The following SMG1 variants were observed in gnomAD, a reference collection of about 807,000 sequenced individuals.
The protein encoded by SMG1 is SMG1 nonsense mediated mRNA decay associated PI3K related kinase.
In SMG1, 22 loss-of-function variants were observed where a neutral mutation model predicts 419.9. The ratio of observed to expected loss-of-function variants is 0.05; its 90% confidence interval spans 0.04 to 0.07. The LOEUF (loss-of-function observed/expected upper bound fraction) is 0.07, where lower values mean the gene tolerates loss of function less well. SMG1 is among the 10% of genes least tolerant of loss of function. The pLI, the probability that SMG1 is intolerant of heterozygous loss-of-function variation, is 1.00. For missense variants in SMG1, 3,185 were observed against 4,342.0 expected, an observed-to-expected ratio of 0.73 and a Z score of 7.49; for synonymous variants, 1,538 against 1,553.5, an observed-to-expected ratio of 0.99 and a Z score of 0.23.
intron 60 of SMG1, 181 bp from the exon 61 acceptor site, chr16:18,812,308 T>A: frequency 1.7e-6 from 1 of 575,448 alleles, no homozygotes; most frequent in Non-Finnish European, 2.9e-6. Flanking sequence ...AGCCAGACAT[T>A]CAGGTATGAA....
intron 56 of SMG1, among the ~76,000 whole-genome samples, chr16:18,819,034 G>C (rs1444750179): frequency 2.0e-5 from 3 of 151,840 alleles, no homozygotes; most frequent in African/African-American, 7.3e-5. Flanking sequence ...GGTCACGCTG[G>C]TCTTGAACTC....
intron 6 of SMG1, among the ~76,000 whole-genome samples, chr16:18,887,672 TA>T (rs368196825): frequency 0.017 from 1,088 of 65,662 alleles, 37 homozygotes; most frequent in African/African-American, 0.046. Flanking sequence ...ACTTTTTATT[TA>T]AAAAAAAAAA....
At chr16:18,853,475 G>C in intron 31 of SMG1, 108 bp downstream of exon 31, 5 of 1,003,740 alleles carry the variant, frequency 5.0e-6, no homozygotes, top group Non-Finnish European at 5.6e-6. Context: ...AACTTCCACA[G>C]ATATACTTTT....
Position 18,852,408 on chromosome 16 carries a change from G to A in SMG1, c.4823C>T (p.Ser1608Phe). The A allele has an allele frequency of 6.2e-7, 1 of 1,612,766 alleles. No individual in the cohort carries two copies. The highest frequency in any genetic ancestry group is 8.5e-7 in the Non-Finnish European group (1 of 1,179,252). ...GGCTACTTCAGGTGCCTGTACTGAA[G>A]ACAGGTGATACAACTGTCCCAAAAT... ...DFILGQLYHL[S>F]SVQAPEVAKS... Residue 1608 changes from serine to phenylalanine, a missense_variant, in exon 32 of 63, where the codon TCT (serine) becomes TTT (phenylalanine). Ser to Phe is a radical substitution (Grantham distance 155). Around this residue, in one of 27 missense-constraint regions of SMG1, gnomAD observed 493 missense variants for 552.9 expected, o/e 0.89. Transcript: ENST00000446231.
At position 18,811,755 on chromosome 16, in the gene SMG1, G is replaced by C. The variant is rs767923154; in HGVS notation, c.10908+6C>G. On this transcript the variant is annotated splice_donor_region_variant and intron_variant, in intron 62 of 62. Transcript: ENST00000446231. ...AATGTGTAGCCCAAGTTTAAAACAC[G>C]GTCACCTGTTCAGCAACTGACATCC... 1.7e-5 allele frequency: 27 copies of C among 1,612,338 alleles called. No individual in the cohort carries two copies. The South Asian group carries it at 2.6e-4, about 16-fold the overall frequency.
chr16:18,885,015 T>C (rs11639749), intron 8 of SMG1, 75 bp downstream of exon 8: 220,365 of 650,742 alleles, frequency 0.34, 39,630 homozygotes, highest in Non-Finnish European at 0.38. Context: ...GAAATGGTAT[T>C]GATAGATGGT....
chr16:18,876,047 A>T, intron 13 of SMG1, 77 bp downstream of exon 13: 1 of 1,462,784 alleles, frequency 6.8e-7, no homozygotes, highest in Non-Finnish European at 9.5e-7. Flanking sequence ...TCTTGACATG[A>T]CAGTGAAATA....
intron 1 of SMG1, 136 bp downstream of exon 1, chr16:18,925,814 G>T (rs922179416): frequency 1.7e-6 from 1 of 586,784 alleles, no homozygotes; most frequent in Admixed American, 4.3e-5. Context: ...CCGGGGCGGA[G>T]GAGACCCAGG....
At position 18,830,115 on chromosome 16, in the gene SMG1, A is replaced by G; in HGVS notation, c.8944T>C (p.Leu2982=). ...GCTATGGGAATTTCCATCTTGTTCA[A>G]CTATGTAAATGAAAGAAAACAAAGT... The part of the protein sequence containing the change: ...ETAFSLLVEK[L]NKMEIPIAWR... Residue 2982 remains leucine (L), a splice_region_variant and synonymous_variant, in exon 53 of 63, where the codon TTG becomes CTG. Transcript: ENST00000446231. 1 of 1,602,398 alleles carries G rather than the reference A, an allele frequency of 6.2e-7. No homozygotes were observed. Among genetic ancestry groups the G allele is most frequent in the Middle Eastern group, 1.7e-4 (1 of 6,022 alleles).
At position 18,854,857 on chromosome 16, in the gene SMG1, C is replaced by T; in HGVS notation, c.4282G>A (p.Ala1428Thr). 1 of 1,614,000 alleles carries T rather than the reference C, an allele frequency of 6.2e-7. No homozygotes were observed. The highest frequency in any genetic ancestry group is 1.1e-5 in the South Asian group (1 of 91,082). Residue 1428 changes from alanine to threonine, a missense_variant, in exon 30 of 63, where the codon GCA becomes ACA. Around this residue, in one of 27 missense-constraint regions of SMG1, gnomAD observed 493 missense variants for 552.9 expected, o/e 0.89. Transcript: ENST00000446231. The part of the protein sequence containing the change: ...RSHLMELGLT[A>T]AKFARKRGNV... Reference sequence around the variant, plus strand: ...CCTCGTTTTCTAGCAAATTTTGCTGCTGTTAGACCTAATTCCATGAGATGG... The same window carrying T: ...CCTCGTTTTCTAGCAAATTTTGCTGTTGTTAGACCTAATTCCATGAGATGG...
At chr16:18,820,918 G>C (rs569753081) in intron 55 of SMG1, among the ~76,000 whole-genome samples, 41 of 152,188 alleles carry the variant, frequency 2.7e-4, no homozygotes, top group Non-Finnish European at 4.9e-4. Context: ...TTTCATTAAG[G>C]CAAGTTTCTC....
At chr16:18,900,001 A>G in intron 1 of SMG1, 1 of 1,530,338 alleles carries the variant, frequency 6.5e-7, no homozygotes, top group Non-Finnish European at 8.7e-7. Flanking sequence ...AAAATCGCAT[A>G]CTGTATAATA....
At chr16:18,865,657 T>A (rs192091293) in intron 23 of SMG1, among the ~76,000 whole-genome samples, 18 of 151,084 alleles carry the variant, frequency 1.2e-4, no homozygotes, top group Middle Eastern at 3.4e-3. Flanking sequence ...ATATTTAACA[T>A]GGCAATTTTT....
intron 56 of SMG1, among the ~76,000 whole-genome samples, chr16:18,817,794 A>G (rs895201252): frequency 6.6e-6 from 1 of 152,230 alleles, no homozygotes; most frequent in East Asian, 1.9e-4. Flanking sequence ...TACAGCCACA[A>G]TTCAGAAGAC....
chr16:18,910,939 C>A (rs546701625), intron 1 of SMG1, among the ~76,000 whole-genome samples: 25 of 152,298 alleles, frequency 1.6e-4, no homozygotes, highest in Non-Finnish European at 2.9e-4. Flanking sequence ...TTCTTAAATT[C>A]CAACTGTGTA....
chr16:18,919,813 TG>T lies in SMG1; in HGVS notation c.92+6136del, dbSNP rs988470531. 8.6e-5 allele frequency among the ~76,000 whole-genome samples: 13 copies of T among 150,886 alleles called. 1 individual carries two copies. The highest frequency in any genetic ancestry group is 6.3e-4 in the South Asian group (3 of 4,728). ...GTAAAGGAATCAAAACAAAAGGGGT[TG>T]GGGGGGTCCAGGCACGGTGTCTCAC... On this transcript the variant is annotated intron_variant, in intron 1 of 62. Transcript: ENST00000446231.
intron 35 of SMG1, among the ~76,000 whole-genome samples, chr16:18,849,683 G>A (rs996292516): frequency 3.3e-5 from 5 of 152,068 alleles, no homozygotes; most frequent in African/African-American, 9.7e-5. Context: ...TTTACAGAGG[G>A]TATATAAAAC....
intron 55 of SMG1, among the ~76,000 whole-genome samples, chr16:18,820,922 G>C (rs976013948): frequency 6.6e-6 from 1 of 152,124 alleles, no homozygotes; most frequent in Non-Finnish European, 1.5e-5. Flanking sequence ...ATTAAGGCAA[G>C]TTTCTCTTAT....
At chr16:18,859,520 C>G in intron 27 of SMG1, 36 bp downstream of exon 27, 1 of 1,130,870 alleles carries the variant, frequency 8.8e-7, no homozygotes, top group Non-Finnish European at 1.3e-6. Flanking sequence ...ACATGATATA[C>G]ACAATGTACA....
Sources: allele counts gnomAD v4.1 joint callset (sites outside exome capture counted in the v4.1 genomes callset), GRCh38; gene constraint gnomAD v4.1.1; regional missense constraint gnomAD v4.1.1; transcripts MANE v1.5; gene names NCBI Gene and HGNC (gene_info 2026-07-23, HGNC 2026-07-21).